The following HMGCLL1 variants were observed in gnomAD, a reference collection of about 807,000 sequenced individuals.
The protein encoded by HMGCLL1 is 3-hydroxymethyl-3-methylglutaryl-CoA lyase, cytoplasmic.
HMGCLL1 carries 36 observed loss-of-function variants against 39.1 expected under a neutral mutation model. The observed-to-expected ratio is 0.92, with a 90% CI of 0.71 to 1.22. The LOEUF (loss-of-function observed/expected upper bound fraction) is 1.22. Ranked by LOEUF, HMGCLL1 falls within the 50% of genes most tolerant of loss-of-function variation. The pLI is 0.00. For missense variants in HMGCLL1, 451 were observed against 416.5 expected (o/e 1.08, Z -0.72); for synonymous variants, 149 against 144.0 (o/e 1.03, Z -0.25).
chr6:55,478,505 T>C (rs1011815807), intron 7 of HMGCLL1, among the ~76,000 whole-genome samples: 5 of 151,412 alleles, frequency 3.3e-5, no homozygotes, highest in Non-Finnish European at 7.4e-5. Flanking sequence ...ATTCACAGAT[T>C]ATAAAGGAAC....
At chr6:55,449,489 A>G (rs571780866) in intron 7 of HMGCLL1, among the ~76,000 whole-genome samples, 4 of 152,340 alleles carry the variant, frequency 2.6e-5, no homozygotes, top group African/African-American at 9.6e-5. Flanking sequence ...TAAATCAGTG[A>G]GAAACAAACA....
chr6:55,579,604 G>A (rs1318721454), upstream of HMGCLL1, among the ~76,000 whole-genome samples: 1 of 152,106 alleles, frequency 6.6e-6, no homozygotes, highest in East Asian at 1.9e-4. Flanking sequence ...GAGGCAATCA[G>A]CAAGGTTAAA....
At chr6:55,614,138 T>C in the HMGCLL1 span, among the ~76,000 whole-genome samples, 11 of 152,262 alleles carry the variant, frequency 7.2e-5, 1 homozygote, top group East Asian at 5.8e-4. Context: ...AGATGTCTTA[T>C]ACAAATAAAT....
In HMGCLL1 at chr6:55,516,571, A is replaced by C. The variant is rs201387450; in HGVS notation, c.330T>G (p.Ile110Met). The C allele has an allele frequency of 2.2e-4, 351 of 1,602,186 alleles. 1 individual carries two copies. In the African/African-American group the frequency reaches 3.7e-3, roughly 17 times the overall value. ...GATAGCGAACTCCTGGATATTGATGAATGCCTTTCATTACTTCAGTGTGAT... is the reference window on the plus strand; with the variant it reads ...GATAGCGAACTCCTGGATATTGATGCATGCCTTTCATTACTTCAGTGTGAT... The part of the protein sequence containing the change: ...MADHTEVMKG[I>M]HQYPGVRYPV... Residue 110 changes from isoleucine (I) to methionine (M), a missense_variant, in exon 4 of 9, where the codon ATT (isoleucine) becomes ATG (methionine). Transcript: ENST00000274901.
chr6:55,604,920 T>TAA, the HMGCLL1 span, among the ~76,000 whole-genome samples: 1 of 104,600 alleles, frequency 9.6e-6, no homozygotes, highest in African/African-American at 5.9e-5. Context: ...TTTAAATGAG[T>TAA]AAAGTGCATG....
the HMGCLL1 span, among the ~76,000 whole-genome samples, chr6:55,676,216 C>G: frequency 6.6e-6 from 1 of 152,040 alleles, no homozygotes; most frequent in Non-Finnish European, 1.5e-5. Flanking sequence ...AACAAACACT[C>G]TTATGCTTAA....
At chr6:55,645,581 C>T in the HMGCLL1 span, among the ~76,000 whole-genome samples, 3 of 151,834 alleles carry the variant, frequency 2.0e-5, no homozygotes, top group Admixed American at 2.0e-4. Flanking sequence ...CCTTCCATAT[C>T]CATTTTCTGA....
At chr6:55,480,608 A>G (rs1170430287) in intron 7 of HMGCLL1, among the ~76,000 whole-genome samples, 2 of 151,706 alleles carry the variant, frequency 1.3e-5, no homozygotes, top group Non-Finnish European at 2.9e-5. Flanking sequence ...TACCGTACAC[A>G]TAGAGTAGCA....
Position 55,461,030 on chromosome 6 carries a change from G to A in HMGCLL1, c.796-21471C>T, listed in dbSNP as rs200168561. 5.9e-5 allele frequency among the ~76,000 whole-genome samples: 9 copies of A among 151,908 alleles called. No homozygotes were observed. The East Asian group carries it at 1.7e-3, about 29-fold the overall frequency. On this transcript the variant is annotated intron_variant, in intron 7 of 8. Transcript: ENST00000274901. ...TTTATTAAGACTCTTTGCCCTTAGG[G>A]TGCTGCTACAGGATTTGGAAGAAAA...
At chr6:55,627,895 ATATAG>A in the HMGCLL1 span, among the ~76,000 whole-genome samples, 1 of 33,636 alleles carries the variant, frequency 3.0e-5, no homozygotes. Context: ...ATATATATAT[ATATAG>A]TATATATACT....
In HMGCLL1 at chr6:55,579,061, A is replaced by T; in HGVS notation, c.-6T>A. The T allele has an allele frequency of 6.3e-7, 1 of 1,598,006 alleles. No individual in the cohort carries two copies. Among genetic ancestry groups the T allele is most frequent in the Non-Finnish European group, 8.6e-7 (1 of 1,168,396 alleles). ...GCGGATGGCACATTCCCCATGGCGGAGCCTGGGGCGGCAGTCGGCGAGGGG... is the reference window on the plus strand; with the variant it reads ...GCGGATGGCACATTCCCCATGGCGGTGCCTGGGGCGGCAGTCGGCGAGGGG... On this transcript the variant is annotated 5_prime_UTR_variant, in exon 1 of 9. Transcript: ENST00000274901.
At chr6:55,563,254 AGTATTGGCATGTGCTTGG>A (rs1486802789) in intron 1 of HMGCLL1, among the ~76,000 whole-genome samples, 3 of 152,178 alleles carry the variant, frequency 2.0e-5, no homozygotes, top group African/African-American at 7.2e-5. Context: ...TGATCTAAGA[AGTATTGGCATGTGCTTGG>A]GTGGCAAGGG....
At chr6:55,581,532 GTT>G (rs1771986363), upstream of HMGCLL1, among the ~76,000 whole-genome samples, 1 of 151,980 alleles carries the variant, frequency 6.6e-6, no homozygotes. Flanking sequence ...AAAAGCATAT[GTT>G]TTTGTACTTA....
At chr6:55,580,651 G>A (rs142316239), upstream of HMGCLL1, among the ~76,000 whole-genome samples, 96 of 152,004 alleles carry the variant, frequency 6.3e-4, no homozygotes, top group African/African-American at 2.3e-3. Flanking sequence ...TCCTGACCTC[G>A]TGGTCTGACC....
intron 1 of HMGCLL1, among the ~76,000 whole-genome samples, chr6:55,557,345 A>C (rs547964296): frequency 2.0e-5 from 3 of 152,098 alleles, no homozygotes; most frequent in Admixed American, 2.0e-4. Context: ...GGTGCGCCAA[A>C]ATAACTGCAC....
At chr6:55,616,405 C>G in the HMGCLL1 span, among the ~76,000 whole-genome samples, 1 of 152,218 alleles carries the variant, frequency 6.6e-6, no homozygotes, top group African/African-American at 2.4e-5. Flanking sequence ...ACTTAAGAAC[C>G]TGTATCATCC....
intron 7 of HMGCLL1, among the ~76,000 whole-genome samples, chr6:55,481,155 T>C (rs533193955): frequency 6.6e-6 from 1 of 151,956 alleles, no homozygotes; most frequent in African/African-American, 2.4e-5. Flanking sequence ...CTAATGTGGG[T>C]GGATTGCTTG....
intron 7 of HMGCLL1, among the ~76,000 whole-genome samples, chr6:55,473,695 CTT>C (rs938572879): frequency 1.3e-4 from 19 of 151,256 alleles, no homozygotes; most frequent in Admixed American, 1.1e-3. Flanking sequence ...TCTCTGATGT[CTT>C]ATTTTTCTTT....
chr6:55,530,506 G>C (rs1424342877), intron 3 of HMGCLL1, among the ~76,000 whole-genome samples: 1 of 151,852 alleles, frequency 6.6e-6, no homozygotes, highest in Non-Finnish European at 1.5e-5. Context: ...AGATAAATAA[G>C]CTTGGATAAA....
Sources: gnomAD v4.1 joint callset for allele counts (sites outside exome capture counted in the v4.1 genomes callset) on GRCh38, gnomAD v4.1.1 for gene constraint, MANE v1.5 for transcripts, NCBI Gene and HGNC (gene_info 2026-07-23, HGNC 2026-07-21) for gene names.